RNF144B: variants seen among roughly 807,000 people sequenced by gnomAD.
RNF144B encodes the protein ring finger protein 144B, also known as E3 ubiquitin-protein ligase RNF144B.
In RNF144B, 25 loss-of-function variants were observed where a neutral mutation model predicts 40.2. The ratio of observed to expected loss-of-function variants is 0.62; its 90% CI spans 0.45 to 0.87. The LOEUF is 0.87. RNF144B is among the 40% of genes least tolerant of loss of function. The pLI is 0.00. For synonymous variants in RNF144B, 145 were observed against 136.3 expected, an observed-to-expected ratio of 1.06 and a Z score of -0.44; for missense variants, 365 against 373.7, an observed-to-expected ratio of 0.98 and a Z score of 0.19.
rs1324080 is a variant in RNF144B at position 18,398,934 on chromosome 6, C to T, written c.-36-565C>T. ...GTGATGCAACTCCTAAATATGTTTGCTCATAGTGATATTTCCCGCCCCTGA... is the reference window on the plus strand; with the variant it reads ...GTGATGCAACTCCTAAATATGTTTGTTCATAGTGATATTTCCCGCCCCTGA... On this transcript the variant is annotated intron_variant, in intron 1 of 7. Coordinates refer to ENST00000259939, the MANE Select transcript of RNF144B (RefSeq NM_182757.4). This position sits in a 1 kb window ranked among gnomAD's most constrained non-coding sequence, Gnocchi z 5.0. 0.41 allele frequency among the ~76,000 whole-genome samples: 62,380 copies of T among 151,952 alleles called. 12,981 individuals are homozygous for T. The highest frequency in any genetic ancestry group is 0.52 in the South Asian group (2,492 of 4,816).
At chr6:18,438,279 G>A (rs1417815620) in intron 3 of RNF144B, among the ~76,000 whole-genome samples, 1 of 152,120 alleles carries the variant, frequency 6.6e-6, no homozygotes, top group African/African-American at 2.4e-5. Context: ...TATAACAGAT[G>A]AATAAAGTTG....
rs547611986 is a variant in RNF144B at position 18,405,496 on chromosome 6, C to A, written c.165+5797C>A. ...AGCCGCAAGGTTAGTTTTATGCTTT[C>A]CCTTAACTTTGCTTGGGGTGGTTAG... On this transcript the variant is annotated intron_variant, in intron 2 of 7. Coordinates refer to ENST00000259939, the MANE Select transcript of RNF144B (RefSeq NM_182757.4). This position sits in a 1 kb window ranked among gnomAD's most constrained non-coding sequence, Gnocchi z 4.5. 6.6e-6 allele frequency among the ~76,000 whole-genome samples: 1 copy of A among 152,200 alleles called. No homozygotes were observed. Among genetic ancestry groups the A allele is most frequent in the East Asian group, 1.9e-4 (1 of 5,172 alleles).
chr6:18,449,535 TTG>T (rs1759160927), intron 4 of RNF144B, among the ~76,000 whole-genome samples: 1 of 152,106 alleles, frequency 6.6e-6, no homozygotes, highest in South Asian at 2.1e-4. Context: ...TAAAGATCAG[TTG>T]AAGTTTGCTT....
chr6:18,450,197 A>G lies in RNF144B; in HGVS notation c.332-6958A>G, dbSNP rs1467109400. ...ATGCAGGTTTTATATTAATGTATTG[A>G]TATGTTTACTTCCAATTCATTACTT... On this transcript the variant is annotated intron_variant, in intron 4 of 7. Transcript: ENST00000259939. The surrounding 1 kb of genome is among the most constrained non-coding windows in gnomAD (Gnocchi z 4.7). 1.3e-5 allele frequency among the ~76,000 whole-genome samples: 2 copies of G among 151,978 alleles called. No homozygotes were observed. Among genetic ancestry groups the G allele is most frequent in the South Asian group, 2.1e-4 (1 of 4,836 alleles).
rs925321727 is a variant in RNF144B at position 18,457,597 on chromosome 6, T to C, written c.536+238T>C. On this transcript the variant is annotated intron_variant, in intron 5 of 7. Coordinates refer to ENST00000259939, the MANE Select transcript of RNF144B (RefSeq NM_182757.4). This position sits in a 1 kb window ranked among gnomAD's most constrained non-coding sequence, Gnocchi z 5.1. ...AATTAAAGTTTGTATGAGTTTTGCT[T>C]TCTCTTTAGGTAGTGAGGCACCGTG... Among the ~76,000 whole-genome samples the C allele has an allele frequency of 1.3e-5, 2 of 152,188 alleles. No homozygotes were observed. The highest frequency in any genetic ancestry group is 2.9e-5 in the Non-Finnish European group (2 of 68,038).
In RNF144B at chr6:18,465,432, A is replaced by G. The variant is rs115392424; in HGVS notation, c.*365A>G. 0.011 allele frequency: 2,183 copies of G among 197,316 alleles called. 25 individuals are homozygous for G. The highest frequency in any genetic ancestry group is 0.025 in the Middle Eastern group (12 of 478). The allele number at this position is 197,316 out of a possible 1,614,324, so 12.2% of individuals were successfully genotyped here. ...CAAATGTGTTGTCATTGTTGGCAAC[A>G]TACAAGATAACCAAGAAGCTGGAGT... On this transcript the variant is annotated 3_prime_UTR_variant, in exon 8 of 8. Coordinates refer to ENST00000259939, the MANE Select transcript of RNF144B (RefSeq NM_182757.4).
At chr6:18,420,557 A>G (rs1334913882) in intron 2 of RNF144B, among the ~76,000 whole-genome samples, 1 of 152,188 alleles carries the variant, frequency 6.6e-6, no homozygotes, top group Admixed American at 6.5e-5. Context: ...TACAATAAAC[A>G]TCTGGTGTTA....
Position 18,406,199 on chromosome 6 carries a change from A to G in RNF144B, c.165+6500A>G. On this transcript the variant is annotated intron_variant, in intron 2 of 7. Coordinates refer to ENST00000259939, the MANE Select transcript of RNF144B (RefSeq NM_182757.4). The surrounding 1 kb of genome is among the most constrained non-coding windows in gnomAD (Gnocchi z 4.2). ...AACAAGTAAATACAGAAGTCAGGTG[A>G]TGGTTTGTGCTATGGAAAAATAGGG... 7.7e-6 allele frequency: 4 copies of G among 517,738 alleles called. No individual in the cohort carries two copies. The highest frequency in any genetic ancestry group is 1.5e-5 in the Non-Finnish European group (4 of 259,220). The allele number at this position is 517,738 out of a possible 1,614,324, so 32.1% of individuals were successfully genotyped here. A position where few individuals can be genotyped will look rare whatever the true frequency, so the allele number is the denominator to read the frequency against.
intron 3 of RNF144B, among the ~76,000 whole-genome samples, chr6:18,433,669 T>C (rs1758747018): frequency 6.6e-6 from 1 of 152,194 alleles, no homozygotes; most frequent in Non-Finnish European, 1.5e-5. Context: ...CCCTCTACAG[T>C]GGACTGCGAA....
chr6:18,427,329 G>A (rs1758580261), intron 2 of RNF144B, among the ~76,000 whole-genome samples: 1 of 152,116 alleles, frequency 6.6e-6, no homozygotes, highest in African/African-American at 2.4e-5. Flanking sequence ...TATGGTGGCT[G>A]AAATGTGTGA....
In RNF144B at chr6:18,434,168, A is replaced by G. The variant is rs1167716101; in HGVS notation, c.271-5516A>G. On this transcript the variant is annotated intron_variant, in intron 3 of 7. Transcript: ENST00000259939. This position sits in a 1 kb window ranked among gnomAD's most constrained non-coding sequence, Gnocchi z 4.1. ...TTCTGTTTGGGCTTTCCGGACTCTGATGGGTAGCAGTTCTCTAAAGCCTAT... is the reference window on the plus strand; with the variant it reads ...TTCTGTTTGGGCTTTCCGGACTCTGGTGGGTAGCAGTTCTCTAAAGCCTAT... 6.6e-6 allele frequency among the ~76,000 whole-genome samples: 1 copy of G among 152,184 alleles called. No homozygotes were observed. Among genetic ancestry groups the G allele is most frequent in the Non-Finnish European group, 1.5e-5 (1 of 68,022 alleles).
chr6:18,407,276 C>T (rs1018478817), intron 2 of RNF144B, among the ~76,000 whole-genome samples: 10 of 152,132 alleles, frequency 6.6e-5, no homozygotes, highest in African/African-American at 1.7e-4. Flanking sequence ...AAGAAGACTA[C>T]TTAGAAGGCA....
At chr6:18,428,970 T>C (rs1029971461) in intron 3 of RNF144B, among the ~76,000 whole-genome samples, 1 of 152,114 alleles carries the variant, frequency 6.6e-6, no homozygotes, top group South Asian at 2.1e-4. Context: ...GGCAGAAGGA[T>C]TGCTTGAGTT....
chr6:18,457,191 T>C lies in RNF144B; in HGVS notation c.368T>C (p.Val123Ala), dbSNP rs1258110141. ...GACCCCTACCGAACATGGTGTCCTGTTGCAGACTGTCAGACAGTGTGCCCT... is the reference window on the plus strand; with the variant it reads ...GACCCCTACCGAACATGGTGTCCTGCTGCAGACTGTCAGACAGTGTGCCCT... ...HLDPYRTWCP[V>A]ADCQTVCPVA... Residue 123 changes from valine (V) to alanine (A), a missense_variant, in exon 5 of 8, where the codon GTT becomes GCT. Physicochemically the swap from Val to Ala is moderately conservative, Grantham distance 64. Transcript: ENST00000259939. This position sits in a 1 kb window ranked among gnomAD's most constrained non-coding sequence, Gnocchi z 5.1. The C allele has an allele frequency of 1.4e-5, 22 of 1,613,966 alleles. No individual in the cohort carries two copies. Among genetic ancestry groups the C allele is most frequent in the African/African-American group, 4.0e-5 (3 of 74,922 alleles).
In RNF144B at chr6:18,419,999, G is replaced by A. The variant is rs1393823181; in HGVS notation, c.166-7582G>A. 6.6e-6 allele frequency among the ~76,000 whole-genome samples: 1 copy of A among 152,122 alleles called. No individual in the cohort carries two copies. Among genetic ancestry groups the A allele is most frequent in the African/African-American group, 2.4e-5 (1 of 41,432 alleles). On this transcript the variant is annotated intron_variant, in intron 2 of 7. Coordinates refer to ENST00000259939, the MANE Select transcript of RNF144B (RefSeq NM_182757.4). The surrounding 1 kb of genome is among the most constrained non-coding windows in gnomAD (Gnocchi z 4.6). Reference sequence around the variant, plus strand: ...AGAAAAGCAGAGTTGGCTCCTATGTGTCAAGAAAAGAAGAACAGAGGATGG... The same window carrying A: ...AGAAAAGCAGAGTTGGCTCCTATGTATCAAGAAAAGAAGAACAGAGGATGG...
rs1211952015 is a variant in RNF144B, at chr6:18,398,318, T to G, written c.-36-1181T>G. Among the ~76,000 whole-genome samples, 1 of 152,172 alleles carries G rather than the reference T, an allele frequency of 6.6e-6. No individual in the cohort carries two copies. Among genetic ancestry groups the G allele is most frequent in the Non-Finnish European group, 1.5e-5 (1 of 68,038 alleles). The stretch of plus-strand genomic sequence containing the variant: ...CCATGTTGTAGCATGTGTCAGAATT[T>G]TATTTCTTTTTATTCCACTGTATAT... On this transcript the variant is annotated intron_variant, in intron 1 of 7. Transcript: ENST00000259939. The surrounding 1 kb of genome is among the most constrained non-coding windows in gnomAD (Gnocchi z 5.0).
chr6:18,404,494 G>C (rs1794855910), intron 2 of RNF144B, among the ~76,000 whole-genome samples: 1 of 152,136 alleles, frequency 6.6e-6, no homozygotes, highest in Non-Finnish European at 1.5e-5. Context: ...TCTTCAAAAA[G>C]ATTTCAGAGA....
At chr6:18,396,316 T>C in intron 1 of RNF144B, 2 of 831,220 alleles carry the variant, frequency 2.4e-6, no homozygotes, top group Non-Finnish European at 2.9e-6. Flanking sequence ...ATCCAATATG[T>C]CTTTCAAGAG....
rs1309043376 is a variant in RNF144B, at chr6:18,467,972, A to T, written c.*2905A>T. On this transcript the variant is annotated 3_prime_UTR_variant, in exon 8 of 8. Transcript: ENST00000259939. ...AGTTTTAACTGACAACTTTGATAACAGAGGCTGCTATTTTTGTTTTAGATA... is the reference window on the plus strand; with the variant it reads ...AGTTTTAACTGACAACTTTGATAACTGAGGCTGCTATTTTTGTTTTAGATA... 1 of 152,162 alleles carries T rather than the reference A, an allele frequency of 6.6e-6. No homozygotes were observed. Among genetic ancestry groups the T allele is most frequent in the Admixed American group, 6.5e-5 (1 of 15,272 alleles). The allele number at this position is 152,162 out of a possible 1,614,324, so 9.4% of individuals were successfully genotyped here.
Sources: gnomAD v4.1 joint callset for allele counts (sites outside exome capture counted in the v4.1 genomes callset) on GRCh38, gnomAD v4.1.1 for gene constraint, Gnocchi (gnomAD v3.1) non-coding constraint, MANE v1.5 for transcripts, NCBI Gene and HGNC (gene_info 2026-07-23, HGNC 2026-07-21) for gene names.